VTI1A: variants seen among roughly 807,000 people sequenced by gnomAD.
VTI1A encodes the protein vesicle transport through interaction with t-SNAREs homolog 1A.
In VTI1A, 22 loss-of-function variants were observed where a neutral mutation model predicts 34.9. The observed-to-expected ratio is 0.63, with a 90% CI of 0.45 to 0.90. VTI1A has a LOEUF of 0.90. Ranked by LOEUF, VTI1A falls within the 40% of genes least tolerant of loss-of-function variation. The pLI, the probability that VTI1A is intolerant of heterozygous loss-of-function variation, is 0.00. For synonymous variants in VTI1A, 87 were observed against 97.3 expected (o/e 0.89, Z 0.62); for missense variants, 268 against 275.6 (o/e 0.97, Z 0.20).
chr10:112,757,892 T>G (rs1357822146), intron 7 of VTI1A, among the ~76,000 whole-genome samples: 1 of 152,248 alleles, frequency 6.6e-6, no homozygotes, highest in Non-Finnish European at 1.5e-5. Context: ...GTTGTTTACT[T>G]TTTCCACTTG....
At chr10:112,526,425 CAT>C (rs1261812334) in intron 3 of VTI1A, among the ~76,000 whole-genome samples, 1 of 152,134 alleles carries the variant, frequency 6.6e-6, no homozygotes. Flanking sequence ...CAGACACACA[CAT>C]GTACGCATGC....
At chr10:112,541,820 C>T (rs76698673) in intron 5 of VTI1A, among the ~76,000 whole-genome samples, 43 of 152,276 alleles carry the variant, frequency 2.8e-4, no homozygotes, top group South Asian at 6.2e-4. Flanking sequence ...CTGATATGCA[C>T]GGAGTTTAAT....
At chr10:112,786,491 G>A (rs1852292983) in intron 7 of VTI1A, among the ~76,000 whole-genome samples, 1 of 152,134 alleles carries the variant, frequency 6.6e-6, no homozygotes, top group African/African-American at 2.4e-5. Context: ...GACAGAAGTG[G>A]TAAGAGCAGA....
At chr10:112,804,653 G>C (rs530235215) in intron 7 of VTI1A, among the ~76,000 whole-genome samples, 1 of 151,992 alleles carries the variant, frequency 6.6e-6, no homozygotes, top group Non-Finnish European at 1.5e-5. Flanking sequence ...CTCTAATCGC[G>C]GCCTTTGTCG....
At chr10:112,609,557 T>C (rs1845213311) in intron 5 of VTI1A, among the ~76,000 whole-genome samples, 1 of 152,200 alleles carries the variant, frequency 6.6e-6, no homozygotes, top group Non-Finnish European at 1.5e-5. Flanking sequence ...GATACATGAA[T>C]GGTATGGTAG....
intron 7 of VTI1A, among the ~76,000 whole-genome samples, chr10:112,757,210 T>C (rs1851312373): frequency 6.6e-6 from 1 of 151,976 alleles, no homozygotes; most frequent in Admixed American, 6.6e-5. Flanking sequence ...CAAGCATAAC[T>C]TCCATGACAC....
chr10:112,621,506 A>T (rs1257808895), intron 5 of VTI1A, among the ~76,000 whole-genome samples: 2 of 152,120 alleles, frequency 1.3e-5, no homozygotes. Context: ...TGTCCCCATT[A>T]CTCAAATGAG....
At chr10:112,830,547 T>C in the VTI1A span, among the ~76,000 whole-genome samples, 14 of 151,252 alleles carry the variant, frequency 9.3e-5, no homozygotes, top group Non-Finnish European at 1.9e-4. Flanking sequence ...TTTTTCCTTA[T>C]CATAATACAT....
the VTI1A span, among the ~76,000 whole-genome samples, chr10:112,849,155 G>C: frequency 2.0e-5 from 3 of 152,228 alleles, no homozygotes; most frequent in African/African-American, 4.8e-5. Flanking sequence ...AACACTATGT[G>C]AGTTTTTGTA....
At chr10:112,787,698 C>CTTTTTTT (rs34862909) in intron 7 of VTI1A, among the ~76,000 whole-genome samples, 3 of 103,278 alleles carry the variant, frequency 2.9e-5, no homozygotes, top group Non-Finnish European at 5.7e-5. Context: ...TTTTTCTTTT[C>CTTTTTTT]TTTTTTTTTT....
the VTI1A span, among the ~76,000 whole-genome samples, chr10:112,850,358 G>GAA: frequency 0.64 from 91,947 of 143,536 alleles, 30,885 homozygotes; most frequent in South Asian, 0.8. Context: ...ACCTTTAAAG[G>GAA]AAAAAAAAAA....
At chr10:112,563,668 C>G (rs1409775356) in intron 5 of VTI1A, among the ~76,000 whole-genome samples, 3 of 152,160 alleles carry the variant, frequency 2.0e-5, no homozygotes, top group Non-Finnish European at 4.4e-5. Flanking sequence ...GAAAGACTGT[C>G]TCTAATGGTC....
chr10:112,548,924 C>A (rs1018930291), intron 5 of VTI1A: 7 of 820,744 alleles, frequency 8.5e-6, no homozygotes, highest in African/African-American at 6.8e-5. Context: ...CTGACATTTT[C>A]TTCTACTTCT....
intron 7 of VTI1A, among the ~76,000 whole-genome samples, chr10:112,770,401 T>C (rs1037673660): frequency 1.4e-5 from 2 of 143,652 alleles, no homozygotes; most frequent in African/African-American, 5.1e-5. Flanking sequence ...TTCTTTTTTC[T>C]TTTTTTTTTT....
chr10:112,733,185 A>AT lies in VTI1A; in HGVS notation c.560+64193dup, dbSNP rs1327389267. 3.3e-5 allele frequency among the ~76,000 whole-genome samples: 5 copies of AT among 151,892 alleles called. No homozygotes were observed. The East Asian group carries it at 9.7e-4, about 29-fold the overall frequency. On this transcript the variant is annotated intron_variant, in intron 7 of 7. Coordinates refer to ENST00000393077, the MANE Select transcript of VTI1A (RefSeq NM_145206.4). ...CATGGTGTTTTTGGGTTTTGGTTTG[A>AT]TTTTTTATTTTTGGTTTGATTTTTT...
chr10:112,669,296 G>A (rs1847760022), intron 7 of VTI1A, among the ~76,000 whole-genome samples: 1 of 152,126 alleles, frequency 6.6e-6, no homozygotes, highest in Non-Finnish European at 1.5e-5. Context: ...GGCAGCAGCA[G>A]GCTGATTTTA....
At chr10:112,790,887 A>G (rs1265574541) in intron 7 of VTI1A, among the ~76,000 whole-genome samples, 2 of 151,656 alleles carry the variant, frequency 1.3e-5, no homozygotes, top group African/African-American at 4.8e-5. Flanking sequence ...ATGTGTTTGT[A>G]GAAAGTGTTT....
At chr10:112,553,432 G>C (rs1426953719) in intron 5 of VTI1A, among the ~76,000 whole-genome samples, 1 of 152,232 alleles carries the variant, frequency 6.6e-6, no homozygotes, top group Non-Finnish European at 1.5e-5. Flanking sequence ...CAACACAGTG[G>C]TGATCCATAA....
chr10:112,778,336 T>C, intron 7 of VTI1A, among the ~76,000 whole-genome samples: 1 of 152,170 alleles, frequency 6.6e-6, no homozygotes, highest in Non-Finnish European at 1.5e-5. Context: ...CTGGTGGAAG[T>C]TCTTCTGCCA....
Sources: allele counts gnomAD v4.1 joint callset (sites outside exome capture counted in the v4.1 genomes callset), GRCh38; gene constraint gnomAD v4.1.1; transcripts MANE v1.5; gene names NCBI Gene and HGNC (gene_info 2026-07-23, HGNC 2026-07-21).